Variants in HOMER2 observed in about 807,000 individuals in gnomAD.
HOMER2 encodes the protein homer scaffold protein 2, also known as homer protein homolog 2.
Under a neutral mutation model 47.0 loss-of-function variants are expected in HOMER2, and 27 were observed. The ratio of observed to expected loss-of-function variants is 0.57; its 90% CI spans 0.42 to 0.79. The LOEUF (loss-of-function observed/expected upper bound fraction) is 0.79, where lower values mean the gene tolerates loss of function less well. Among genes scored for constraint, HOMER2 ranks in the 30% least tolerant of loss-of-function variants. The probability of loss-of-function intolerance (pLI) is 0.00; values close to 1 mark genes in which losing one functional copy is unlikely to be tolerated. For synonymous variants in HOMER2, 161 were observed against 163.8 expected, an observed-to-expected ratio of 0.98 and a Z score of 0.13; for missense variants, 443 against 435.0, an observed-to-expected ratio of 1.02 and a Z score of -0.16.
At chr15:82,927,112 G>A (rs922314142) in intron 1 of HOMER2, among the ~76,000 whole-genome samples, 23 of 152,162 alleles carry the variant, frequency 1.5e-4, no homozygotes, top group Admixed American at 4.6e-4. Flanking sequence ...GAATCCGTGG[G>A]GGACACAAAC....
chr15:82,973,644 G>A (rs1364393128), intron 1 of HOMER2, among the ~76,000 whole-genome samples: 1 of 152,174 alleles, frequency 6.6e-6, no homozygotes, highest in Non-Finnish European at 1.5e-5. Context: ...GTTTGTTAAT[G>A]CTTATCATCT....
At chr15:82,939,512 CA>C (rs887890519) in intron 1 of HOMER2, among the ~76,000 whole-genome samples, 1 of 151,930 alleles carries the variant, frequency 6.6e-6, no homozygotes, top group African/African-American at 2.4e-5. Flanking sequence ...ACTAAAAATA[CA>C]AAAAAAATTA....
At chr15:82,866,338 G>A (rs2667380) in intron 3 of HOMER2, among the ~76,000 whole-genome samples, 65,712 of 152,092 alleles carry the variant, frequency 0.43, 14,655 homozygotes, top group East Asian at 0.7. Flanking sequence ...TGGAATAGGT[G>A]TATTTACCCA....
chr15:82,957,279 C>CA (rs35127526), upstream of HOMER2, among the ~76,000 whole-genome samples: 2,899 of 72,332 alleles, frequency 0.04, 116 homozygotes, highest in East Asian at 0.29. Context: ...GACTCCGTCT[C>CA]AAAAAAAAAA....
At chr15:82,923,481 C>T (rs933338143) in intron 1 of HOMER2, among the ~76,000 whole-genome samples, 4 of 142,284 alleles carry the variant, frequency 2.8e-5, no homozygotes, top group South Asian at 2.3e-4. Flanking sequence ...AGCAAGAGTC[C>T]GTCTCAAAAA....
intron 2 of HOMER2, among the ~76,000 whole-genome samples, chr15:82,892,354 A>T (rs2052738476): frequency 6.6e-6 from 1 of 152,198 alleles, no homozygotes; most frequent in Non-Finnish European, 1.5e-5. Context: ...GTATGTGAAC[A>T]ATTGAGGATA....
intron 5 of HOMER2, among the ~76,000 whole-genome samples, chr15:82,856,045 A>G (rs2051575054): frequency 6.6e-6 from 1 of 152,136 alleles, no homozygotes; most frequent in African/African-American, 2.4e-5. Context: ...GTCTGAATAG[A>G]TCTGTGTTAT....
chr15:82,861,844 C>G (rs2051801954), intron 4 of HOMER2, among the ~76,000 whole-genome samples: 1 of 152,070 alleles, frequency 6.6e-6, no homozygotes, highest in African/African-American at 2.4e-5. Context: ...CACATCTCTA[C>G]TAAAGATACA....
intron 1 of HOMER2, among the ~76,000 whole-genome samples, chr15:82,897,352 C>T (rs918324881): frequency 1.3e-5 from 2 of 152,126 alleles, no homozygotes; most frequent in East Asian, 3.9e-4. Flanking sequence ...GCTTGAGCCA[C>T]TGCACCCAGC....
At chr15:82,954,443 G>A (rs925334831), upstream of HOMER2, among the ~76,000 whole-genome samples, 2 of 148,376 alleles carry the variant, frequency 1.3e-5, no homozygotes, top group Non-Finnish European at 3.0e-5. Context: ...GACTGCAGGC[G>A]CATGCCACCA....
intron 3 of HOMER2, among the ~76,000 whole-genome samples, chr15:82,865,532 T>C (rs967888234): frequency 1.3e-5 from 2 of 152,202 alleles, no homozygotes; most frequent in African/African-American, 4.8e-5. Flanking sequence ...TCCAAGTGTA[T>C]CTAAGAAAAA....
At chr15:82,875,490 A>G in intron 2 of HOMER2, 86 bp from the exon 3 acceptor site, 2 of 1,408,460 alleles carry the variant, frequency 1.4e-6, no homozygotes, top group South Asian at 2.6e-5. Flanking sequence ...TGGCAAAGCC[A>G]GTGCTTCAAG....
chr15:82,847,962 A>G (rs1284009068), downstream of HOMER2, among the ~76,000 whole-genome samples: 1 of 152,032 alleles, frequency 6.6e-6, no homozygotes. Context: ...GCAGCAGACT[A>G]CCCCGAATCA....
rs1255489726 is a variant in HOMER2 at position 82,894,459 on chromosome 15, C to T, written c.6-1618G>A. ...GTCCCATTGTTGCGGATCACGAGGTCAGGAGATCGAGACCATCCTGGCTAA... is the reference window on the plus strand; with the variant it reads ...GTCCCATTGTTGCGGATCACGAGGTTAGGAGATCGAGACCATCCTGGCTAA... On this transcript the variant is annotated intron_variant, in intron 1 of 8. Transcript: ENST00000450735. 2.6e-5 allele frequency among the ~76,000 whole-genome samples: 4 copies of T among 151,916 alleles called. No individual in the cohort carries two copies. The East Asian group carries it at 5.8e-4, about 22-fold the overall frequency.
At chr15:82,917,579 C>T (rs966993926) in intron 1 of HOMER2, among the ~76,000 whole-genome samples, 1 of 152,196 alleles carries the variant, frequency 6.6e-6, no homozygotes, top group Non-Finnish European at 1.5e-5. Context: ...CAGCAGCAAA[C>T]CCCAGTGTAT....
At chr15:82,914,686 C>T (rs531333278) in intron 1 of HOMER2, among the ~76,000 whole-genome samples, 1 of 152,236 alleles carries the variant, frequency 6.6e-6, no homozygotes, top group Admixed American at 6.5e-5. Flanking sequence ...GAACTGTACA[C>T]TTACAAATGA....
At chr15:82,905,065 A>C (rs940002683) in intron 1 of HOMER2, among the ~76,000 whole-genome samples, 12 of 152,122 alleles carry the variant, frequency 7.9e-5, no homozygotes, top group African/African-American at 2.7e-4. Flanking sequence ...TAATGTAAGG[A>C]GATGGAAATT....
chr15:82,854,616 C>T lies in HOMER2; in HGVS notation c.651+28G>A, dbSNP rs1256426. On this transcript the variant is annotated intron_variant, in intron 6 of 8. Coordinates refer to ENST00000450735, the MANE Select transcript of HOMER2 (RefSeq NM_004839.4). ...TCCCACTGCCCACACCAGCTGGCCTCGGGGCTCACTGCATCCACCGTACCC... is the reference window on the plus strand; with the variant it reads ...TCCCACTGCCCACACCAGCTGGCCTTGGGGCTCACTGCATCCACCGTACCC... 6 of 1,594,048 alleles carry T rather than the reference C, an allele frequency of 3.8e-6. 1 individual carries two copies. The Admixed American group carries it at 5.1e-5, about 14-fold the overall frequency.
chr15:82,899,047 C>A (rs1416093322), intron 1 of HOMER2, among the ~76,000 whole-genome samples: 2 of 152,192 alleles, frequency 1.3e-5, no homozygotes, highest in Non-Finnish European at 2.9e-5. Flanking sequence ...ATGGGTCACA[C>A]TCTGCCTGCC....
Sources: allele counts gnomAD v4.1 joint callset (sites outside exome capture counted in the v4.1 genomes callset), GRCh38; gene constraint gnomAD v4.1.1; transcripts MANE v1.5; gene names NCBI Gene and HGNC (gene_info 2026-07-23, HGNC 2026-07-21).